The following ADGRL2 variants were observed in gnomAD, a reference collection of about 807,000 sequenced individuals.
The protein encoded by ADGRL2 is calcium-independent alpha-latrotoxin receptor 2.
Under a neutral mutation model 157.4 loss-of-function variants are expected in ADGRL2, and 44 were observed. The observed-to-expected ratio is 0.28, with a 90% confidence interval of 0.22 to 0.36. The LOEUF (loss-of-function observed/expected upper bound fraction) is 0.36, where lower values mean the gene tolerates loss of function less well. Ranked by LOEUF, ADGRL2 falls within the 10% of genes least tolerant of loss-of-function variation. The probability of loss-of-function intolerance (pLI) is 1.00; values close to 1 mark genes in which losing one functional copy is unlikely to be tolerated. For missense variants in ADGRL2, 1,510 were observed against 1,768.9 expected, an observed-to-expected ratio of 0.85 and a Z score of 2.63; for synonymous variants, 585 against 624.7, an observed-to-expected ratio of 0.94 and a Z score of 0.95.
At chr1:81,743,412 A>G (rs933205679) in intron 1 of ADGRL2, among the ~76,000 whole-genome samples, 1 of 128,392 alleles carries the variant, frequency 7.8e-6, no homozygotes. Context: ...TTTTTTTTGC[A>G]CTTGTATTAA....
At chr1:81,523,121 A>G (rs1264972321) in intron 2 of ADGRL2, among the ~76,000 whole-genome samples, 2 of 152,208 alleles carry the variant, frequency 1.3e-5, no homozygotes, top group African/African-American at 4.8e-5. Context: ...CTGAAGAACA[A>G]AAAACACTTG....
At chr1:81,618,161 A>G (rs2081705439) in intron 3 of ADGRL2, among the ~76,000 whole-genome samples, 1 of 152,060 alleles carries the variant, frequency 6.6e-6, no homozygotes, top group South Asian at 2.1e-4. Context: ...ATATTAAGTG[A>G]TTTAATTTTA....
chr1:81,640,908 G>C (rs1280813890), intron 3 of ADGRL2, among the ~76,000 whole-genome samples: 1 of 152,124 alleles, frequency 6.6e-6, no homozygotes, highest in African/African-American at 2.4e-5. Flanking sequence ...AAAAACAGTA[G>C]CCTAAAAGGA....
chr1:81,460,560 A>C (rs1196288052), intron 2 of ADGRL2, among the ~76,000 whole-genome samples: 1 of 152,102 alleles, frequency 6.6e-6, no homozygotes, highest in East Asian at 1.9e-4. Context: ...TTTCTTTAAA[A>C]TTTCTGATTC....
chr1:81,470,610 A>AT (rs1305084234), intron 2 of ADGRL2, among the ~76,000 whole-genome samples: 2 of 152,184 alleles, frequency 1.3e-5, no homozygotes, highest in Non-Finnish European at 2.9e-5. Flanking sequence ...ACACAAAAAC[A>AT]TTTTTTAAAG....
intron 3 of ADGRL2, among the ~76,000 whole-genome samples, chr1:81,933,623 T>C (rs2095266993): frequency 6.6e-6 from 1 of 152,224 alleles, no homozygotes; most frequent in Non-Finnish European, 1.5e-5. Flanking sequence ...AATTTACACT[T>C]TTATAATCTT....
At position 81,951,032 on chromosome 1, in the gene ADGRL2, C is replaced by G. The variant is rs759016504; in HGVS notation, c.1519C>G (p.Leu507Val). 2 of 1,611,980 alleles carry G rather than the reference C, an allele frequency of 1.2e-6. No homozygotes were observed. Among genetic ancestry groups the G allele is most frequent in the Non-Finnish European group, 8.5e-7 (1 of 1,178,192 alleles). Reference sequence around the variant, plus strand: ...ATCTGTTGTAGGAACTGCCTCATATCTCTGCATGATTTCCACTGGAACATG... The same window carrying G: ...ATCTGTTGTAGGAACTGCCTCATATGTCTGCATGATTTCCACTGGAACATG... ...PKGTRGTASYLCMISTGTWNP... is the reference protein window; with the variant it reads ...PKGTRGTASYVCMISTGTWNP... The change falls in exon 8 of 24, where the codon CTC (leucine) becomes GTC (valine). Residue 507 changes from leucine (L) to valine (V), a missense_variant. Around this residue, in one of 4 missense-constraint regions of ADGRL2, gnomAD observed 325 missense variants for 333.2 expected, o/e 0.98. Coordinates refer to ENST00000686636, the MANE Select transcript of ADGRL2 (RefSeq NM_001366006.2).
At chr1:81,486,970 A>T (rs2147921617) in intron 2 of ADGRL2, among the ~76,000 whole-genome samples, 1 of 151,934 alleles carries the variant, frequency 6.6e-6, no homozygotes, top group East Asian at 1.9e-4. Context: ...GAAATATAAA[A>T]GTGGGCTGGG....
chr1:81,691,232 G>T (rs1048640218), intron 3 of ADGRL2, among the ~76,000 whole-genome samples: 2 of 152,010 alleles, frequency 1.3e-5, no homozygotes, highest in African/African-American at 4.8e-5. Flanking sequence ...AAGAGATTCT[G>T]CAACTTCATC....
intron 1 of ADGRL2, among the ~76,000 whole-genome samples, chr1:81,386,782 A>G (rs2101086599): frequency 6.6e-6 from 1 of 152,320 alleles, no homozygotes; most frequent in East Asian, 1.9e-4. Flanking sequence ...CACCCTATTA[A>G]ATCTTACATC....
At chr1:81,670,663 A>T (rs1335607233) in intron 3 of ADGRL2, among the ~76,000 whole-genome samples, 2 of 152,146 alleles carry the variant, frequency 1.3e-5, no homozygotes, top group Non-Finnish European at 2.9e-5. Flanking sequence ...TTACAAAAAA[A>T]TTTTTTTCCA....
At chr1:81,450,740 C>A (rs2077687526) in intron 2 of ADGRL2, among the ~76,000 whole-genome samples, 1 of 151,830 alleles carries the variant, frequency 6.6e-6, no homozygotes, top group Non-Finnish European at 1.5e-5. Context: ...GCTACAGATT[C>A]AGAAAAATCA....
At chr1:81,524,651 A>G (rs1353519637) in intron 2 of ADGRL2, among the ~76,000 whole-genome samples, 7 of 152,258 alleles carry the variant, frequency 4.6e-5, no homozygotes, top group Non-Finnish European at 7.3e-5. Flanking sequence ...TATAAATACT[A>G]AACATTTTTT....
At chr1:81,501,056 AC>A (rs970138959) in intron 2 of ADGRL2, among the ~76,000 whole-genome samples, 10 of 152,162 alleles carry the variant, frequency 6.6e-5, no homozygotes, top group Admixed American at 2.6e-4. Flanking sequence ...CTGGATTCAT[AC>A]CCTTTGCCTA....
At chr1:81,425,929 C>T (rs143247076) in intron 1 of ADGRL2, among the ~76,000 whole-genome samples, 1 of 152,222 alleles carries the variant, frequency 6.6e-6, no homozygotes, top group South Asian at 2.1e-4. Context: ...TGCACAGATG[C>T]AATCATAGCT....
At chr1:81,595,895 G>T (rs190968685) in intron 3 of ADGRL2, among the ~76,000 whole-genome samples, 2 of 152,252 alleles carry the variant, frequency 1.3e-5, no homozygotes, top group East Asian at 1.9e-4. Context: ...AGAGCAAGGC[G>T]CCAGCAGATT....
intron 1 of ADGRL2, among the ~76,000 whole-genome samples, chr1:81,828,885 C>T (rs962138564): frequency 2.6e-5 from 4 of 151,496 alleles, no homozygotes; most frequent in South Asian, 2.1e-4. Flanking sequence ...TTTTTCTTAC[C>T]GTCTCATCTA....
At chr1:81,351,748 C>CA (rs1407094802) in intron 1 of ADGRL2, among the ~76,000 whole-genome samples, 1 of 152,092 alleles carries the variant, frequency 6.6e-6, no homozygotes, top group East Asian at 1.9e-4. Context: ...CATTTTCTGT[C>CA]AAAAAAGCAT....
At chr1:81,715,022 T>C (rs1264709756) in intron 1 of ADGRL2, among the ~76,000 whole-genome samples, 1 of 152,052 alleles carries the variant, frequency 6.6e-6, no homozygotes, top group Non-Finnish European at 1.5e-5. Context: ...CAGACATTTT[T>C]TCTGCTCTAA....
Sources: gnomAD v4.1 joint callset for allele counts (sites outside exome capture counted in the v4.1 genomes callset) on GRCh38, gnomAD v4.1.1 for gene constraint, gnomAD v4.1.1 regional missense constraint, MANE v1.5 for transcripts, NCBI Gene and HGNC (gene_info 2026-07-23, HGNC 2026-07-21) for gene names.